The following ZNF385D variants were observed in gnomAD, a reference collection of about 807,000 sequenced individuals.
ZNF385D encodes zinc finger protein 659.
A neutral mutation model predicts 35.8 loss-of-function variants in ZNF385D; 15 were observed. The observed-to-expected ratio is 0.42, with a 90% CI of 0.28 to 0.64. The LOEUF (loss-of-function observed/expected upper bound fraction) is 0.64. Ranked by LOEUF, ZNF385D falls within the 30% of genes least tolerant of loss-of-function variation. ZNF385D has a pLI of 0.23. For missense variants in ZNF385D, 474 were observed against 494.6 expected, an observed-to-expected ratio of 0.96 and a Z score of 0.39; for synonymous variants, 212 against 186.8, an observed-to-expected ratio of 1.13 and a Z score of -1.10.
chr3:21,522,310 G>C (rs1290447787), intron 3 of ZNF385D, among the ~76,000 whole-genome samples: 4 of 151,964 alleles, frequency 2.6e-5, no homozygotes, highest in Non-Finnish European at 5.9e-5. Context: ...AAAAATATTT[G>C]GTGGACCCAC....
chr3:21,968,221 GC>G (rs1382687097), intron 3 of ZNF385D, among the ~76,000 whole-genome samples: 1 of 152,142 alleles, frequency 6.6e-6, no homozygotes, highest in African/African-American at 2.4e-5. Flanking sequence ...ATTTAGACCA[GC>G]CGTAGCCAGA....
At chr3:22,209,884 G>C (rs1329029480) in intron 2 of ZNF385D, among the ~76,000 whole-genome samples, 1 of 151,568 alleles carries the variant, frequency 6.6e-6, no homozygotes, top group Admixed American at 6.6e-5. Flanking sequence ...GCATAAATAA[G>C]CATAAATATT....
intron 3 of ZNF385D, among the ~76,000 whole-genome samples, chr3:22,072,331 T>A (rs1348371079): frequency 9.0e-6 from 1 of 111,304 alleles, no homozygotes; most frequent in African/African-American, 4.8e-5. Context: ...AAGTTATTTG[T>A]GAACGGAAAA....
At chr3:21,438,407 G>C (rs1303370464) in intron 4 of ZNF385D, among the ~76,000 whole-genome samples, 1 of 152,118 alleles carries the variant, frequency 6.6e-6, no homozygotes, top group East Asian at 1.9e-4. Flanking sequence ...CAAGTGGTCT[G>C]TCTGCAATTA....
intron 3 of ZNF385D, among the ~76,000 whole-genome samples, chr3:22,059,357 G>C (rs1450220269): frequency 6.6e-6 from 1 of 152,128 alleles, no homozygotes; most frequent in Non-Finnish European, 1.5e-5. Context: ...AGCTTCCCAG[G>C]TGAGTCTATG....
chr3:22,063,092 T>C (rs931291163), intron 3 of ZNF385D, among the ~76,000 whole-genome samples: 14 of 152,332 alleles, frequency 9.2e-5, no homozygotes, highest in Admixed American at 5.9e-4. Context: ...GTGTAACTAA[T>C]ACAGAGATAT....
chr3:21,470,082 A>G (rs1006672496), intron 4 of ZNF385D, among the ~76,000 whole-genome samples: 9 of 152,228 alleles, frequency 5.9e-5, no homozygotes, highest in African/African-American at 2.2e-4. Context: ...TTAGGCACTT[A>G]CAGTACTTTT....
At chr3:22,125,015 C>T (rs977726220) in intron 3 of ZNF385D, among the ~76,000 whole-genome samples, 4 of 152,028 alleles carry the variant, frequency 2.6e-5, no homozygotes, top group African/African-American at 7.2e-5. Flanking sequence ...TGGAAAGTTT[C>T]CCCAAGGTTT....
At chr3:22,127,060 G>A (rs1162055252) in intron 3 of ZNF385D, among the ~76,000 whole-genome samples, 1 of 151,782 alleles carries the variant, frequency 6.6e-6, no homozygotes, top group Non-Finnish European at 1.5e-5. Context: ...TCAGTCTATT[G>A]TGTGTCTTTA....
At chr3:21,430,238 A>G (rs139083194) in intron 5 of ZNF385D, among the ~76,000 whole-genome samples, 1,686 of 151,970 alleles carry the variant, frequency 0.011, 80 homozygotes, top group Admixed American at 0.084. Context: ...TATTGCCCCA[A>G]ATAAGAAAAA....
chr3:21,858,845 T>C (rs891965379), intron 3 of ZNF385D, among the ~76,000 whole-genome samples: 1 of 152,080 alleles, frequency 6.6e-6, no homozygotes, highest in African/African-American at 2.4e-5. Flanking sequence ...TAATTCAATA[T>C]CCTGCCATGG....
chr3:21,540,386 G>C (rs1361634910), intron 3 of ZNF385D, among the ~76,000 whole-genome samples: 1 of 152,144 alleles, frequency 6.6e-6, no homozygotes, highest in Non-Finnish European at 1.5e-5. Flanking sequence ...TTCCCCTCGG[G>C]GGATGATTTG....
At chr3:21,819,642 CTATATTA>C (rs1049942126) in intron 3 of ZNF385D, among the ~76,000 whole-genome samples, 3 of 118,822 alleles carry the variant, frequency 2.5e-5, no homozygotes, top group Admixed American at 1.9e-4. Context: ...ATTATATATT[CTATATTA>C]TATATTTATG....
At chr3:21,763,746 T>A (rs1313432902) in intron 3 of ZNF385D, among the ~76,000 whole-genome samples, 3 of 151,228 alleles carry the variant, frequency 2.0e-5, no homozygotes, top group African/African-American at 7.2e-5. Context: ...ATATGTAGCA[T>A]CTACCCTTCA....
intron 3 of ZNF385D, among the ~76,000 whole-genome samples, chr3:22,020,885 G>C (rs1697184524): frequency 6.6e-6 from 1 of 151,848 alleles, no homozygotes; most frequent in Non-Finnish European, 1.5e-5. Flanking sequence ...AAGTGTCCAT[G>C]AACAGGTCAT....
chr3:21,898,593 T>A (rs970901859), intron 3 of ZNF385D, among the ~76,000 whole-genome samples: 1 of 152,168 alleles, frequency 6.6e-6, no homozygotes, highest in Non-Finnish European at 1.5e-5. Flanking sequence ...AAGTTGTAAA[T>A]GCAACATCTC....
chr3:21,808,917 A>C (rs945905395), intron 3 of ZNF385D, among the ~76,000 whole-genome samples: 2 of 152,202 alleles, frequency 1.3e-5, no homozygotes, highest in Non-Finnish European at 2.9e-5. Flanking sequence ...AGACTTTGAA[A>C]ACTAAATTGA....
chr3:22,245,471 G>T (rs1182042061), intron 2 of ZNF385D, among the ~76,000 whole-genome samples: 1 of 102,186 alleles, frequency 9.8e-6, no homozygotes, highest in Admixed American at 1.0e-4. Flanking sequence ...TCAAAGACAG[G>T]ATAAGCCAAA....
chr3:21,658,067 A>T (rs924202961), intron 2 of ZNF385D, among the ~76,000 whole-genome samples: 2 of 152,012 alleles, frequency 1.3e-5, no homozygotes, highest in African/African-American at 2.4e-5. Context: ...CTGTATTTTT[A>T]TCTGTAATAT....
Sources: gnomAD v4.1 joint callset for allele counts (sites outside exome capture counted in the v4.1 genomes callset) on GRCh38, gnomAD v4.1.1 for gene constraint, MANE v1.5 for transcripts, NCBI Gene and HGNC (gene_info 2026-07-23, HGNC 2026-07-21) for gene names.